FUT8: variants seen among roughly 807,000 people sequenced by gnomAD.
FUT8 encodes the protein alpha-(1,6)-fucosyltransferase.
A neutral mutation model predicts 71.3 loss-of-function variants in FUT8; 29 were observed. That is an observed-to-expected ratio of 0.41 (90% CI 0.30 to 0.55). The LOEUF (loss-of-function observed/expected upper bound fraction) is 0.55, where lower values mean the gene tolerates loss of function less well. Ranked by LOEUF, FUT8 falls within the 20% of genes least tolerant of loss-of-function variation. The pLI is 0.34. For missense variants in FUT8, 544 were observed against 702.1 expected (o/e 0.77, Z 2.55); for synonymous variants, 254 against 239.3 (o/e 1.06, Z -0.57).
intron 2 of FUT8, among the ~76,000 whole-genome samples, chr14:65,480,934 C>T (rs992316419): frequency 6.6e-6 from 1 of 152,118 alleles, no homozygotes; most frequent in Non-Finnish European, 1.5e-5. Flanking sequence ...AAGTGATCTG[C>T]CTGCCTTGGC....
intron 6 of FUT8, among the ~76,000 whole-genome samples, chr14:65,639,864 A>G (rs112308273): frequency 6.6e-6 from 1 of 152,124 alleles, no homozygotes; most frequent in African/African-American, 2.4e-5. Flanking sequence ...ATGAATTTCT[A>G]AAAGATAGTT....
intron 1 of FUT8, among the ~76,000 whole-genome samples, chr14:65,426,576 G>T (rs779783530): frequency 2.6e-5 from 4 of 152,152 alleles, no homozygotes; most frequent in Non-Finnish European, 4.4e-5. Flanking sequence ...AGTCTGTATG[G>T]AATTCTCTTT....
chr14:65,534,800 G>C (rs1377562680), intron 2 of FUT8, among the ~76,000 whole-genome samples: 1 of 151,020 alleles, frequency 6.6e-6, no homozygotes, highest in East Asian at 1.9e-4. Flanking sequence ...TGTTTATTTG[G>C]ATCTTCTCTT....
intron 2 of FUT8, among the ~76,000 whole-genome samples, chr14:65,502,719 A>G (rs1195477465): frequency 6.6e-6 from 1 of 152,236 alleles, no homozygotes; most frequent in African/African-American, 2.4e-5. Context: ...TTATTAGCCA[A>G]ACAGTGGTCT....
chr14:65,533,471 A>G lies in FUT8; in HGVS notation c.-227-27866A>G, dbSNP rs144601378. Among the ~76,000 whole-genome samples, 1,507 of 152,248 alleles carry G rather than the reference A, an allele frequency of 9.9e-3. 24 individuals carry two copies. The highest frequency in any genetic ancestry group is 0.035 in the African/African-American group (1,442 of 41,530). ...CTCTTGGCTTGGCTGTTGTTGCTGT[A>G]TAGGAATGGTAGTGATTTTTGTACA... On this transcript the variant is annotated intron_variant, in intron 2 of 10. Transcript: ENST00000673929.
At chr14:65,408,224 G>A (rs1188600331), upstream of FUT8, among the ~76,000 whole-genome samples, 1 of 152,052 alleles carries the variant, frequency 6.6e-6, no homozygotes, top group Non-Finnish European at 1.5e-5. Flanking sequence ...AGGCTTTACC[G>A]ATACTTTCAA....
chr14:65,691,952 A>C (rs1893627281), intron 7 of FUT8, among the ~76,000 whole-genome samples: 1 of 152,210 alleles, frequency 6.6e-6, no homozygotes, highest in Non-Finnish European at 1.5e-5. Context: ...CCAAGGCAGA[A>C]GAATTTTTCT....
intron 2 of FUT8, among the ~76,000 whole-genome samples, chr14:65,484,913 G>A (rs989733593): frequency 4.0e-5 from 6 of 150,852 alleles, no homozygotes; most frequent in Non-Finnish European, 7.4e-5. Flanking sequence ...TTTCTTCTAC[G>A]GTGTCTAATC....
At chr14:65,459,558 C>T (rs1361459409) in intron 2 of FUT8, among the ~76,000 whole-genome samples, 1 of 151,990 alleles carries the variant, frequency 6.6e-6, no homozygotes, top group Non-Finnish European at 1.5e-5. Context: ...TTAACTTAAT[C>T]CCACCCATTA....
At chr14:65,663,112 C>T (rs1254319234) in intron 6 of FUT8, among the ~76,000 whole-genome samples, 1 of 152,028 alleles carries the variant, frequency 6.6e-6, no homozygotes, top group Non-Finnish European at 1.5e-5. Context: ...ATGGATATGA[C>T]ACATTTTCTA....
chr14:65,611,229 A>G (rs1185042753), intron 3 of FUT8, among the ~76,000 whole-genome samples: 5 of 2,404 alleles, frequency 2.1e-3, no homozygotes, highest in Admixed American at 5.0e-3. Context: ...GCGCGCACAC[A>G]CACACACACA....
rs1330364053 is a variant in FUT8, at chr14:65,561,714, G to A, written c.151G>A (p.Glu51Lys). The A allele has an allele frequency of 1.9e-6, 3 of 1,613,544 alleles. No individual in the cohort carries two copies. Among genetic ancestry groups the A allele is most frequent in the Non-Finnish European group, 2.5e-6 (3 of 1,179,638 alleles). Residue 51 changes from glutamate (E) to lysine (K), a missense_variant, in exon 3 of 11, where the codon GAA becomes AAA. Physicochemically the swap from Glu to Lys is moderately conservative, Grantham distance 56. Transcript: ENST00000673929. ...ACTGTCCAAGATTCTGGCAAAGCTT[G>A]AACGCTTAAAACAACAGAATGAAGA... ...RELSKILAKL[E>K]RLKQQNEDLR... is the part of the protein sequence containing the mutation.
intron 5 of FUT8, among the ~76,000 whole-genome samples, chr14:65,616,729 G>A (rs1889304371): frequency 6.6e-6 from 1 of 151,792 alleles, no homozygotes; most frequent in African/African-American, 2.4e-5. Context: ...GCGGTACATT[G>A]GAACTCATAG....
chr14:65,408,537 T>C (rs1311097245), upstream of FUT8, among the ~76,000 whole-genome samples: 23 of 152,188 alleles, frequency 1.5e-4, no homozygotes, highest in Admixed American at 1.5e-3. Context: ...AGTTGGAGTT[T>C]TGGGTGGTTA....
chr14:65,450,995 T>G (rs916913486), intron 1 of FUT8, among the ~76,000 whole-genome samples: 1 of 152,082 alleles, frequency 6.6e-6, no homozygotes, highest in African/African-American at 2.4e-5. Context: ...TAGCTGGGAC[T>G]ACAGGCGCCT....
At chr14:65,561,946 C>T (rs1296094231) in intron 3 of FUT8, among the ~76,000 whole-genome samples, 180 bp downstream of exon 3, 1 of 152,156 alleles carries the variant, frequency 6.6e-6, no homozygotes, top group African/African-American at 2.4e-5. Context: ...GTCCAACCCA[C>T]AGCCCATGGG....
chr14:65,683,826 CA>C (rs1165956439), intron 7 of FUT8, among the ~76,000 whole-genome samples: 2 of 151,954 alleles, frequency 1.3e-5, no homozygotes, highest in Non-Finnish European at 2.9e-5. Context: ...ATATTCATGA[CA>C]TTTTTTTAAA....
intron 6 of FUT8, among the ~76,000 whole-genome samples, chr14:65,654,410 G>GA (rs1429182813): frequency 1.3e-5 from 2 of 152,132 alleles, no homozygotes; most frequent in African/African-American, 4.8e-5. Flanking sequence ...CCAACATGGA[G>GA]AAACCTCGTC....
intron 3 of FUT8, among the ~76,000 whole-genome samples, chr14:65,592,461 T>C (rs1340580722): frequency 1.3e-5 from 2 of 152,120 alleles, no homozygotes; most frequent in Admixed American, 1.3e-4. Context: ...CCTACCTTCC[T>C]ATCTATCTGT....
Sources: gnomAD v4.1 joint callset for allele counts (sites outside exome capture counted in the v4.1 genomes callset) on GRCh38, gnomAD v4.1.1 for gene constraint, MANE v1.5 for transcripts, NCBI Gene and HGNC (gene_info 2026-07-23, HGNC 2026-07-21) for gene names.